Variants in PREX2 observed in about 807,000 individuals in gnomAD.
PREX2 encodes phosphatidylinositol 3,4,5-trisphosphate-dependent Rac exchanger 2 protein.
A neutral mutation model predicts 203.2 loss-of-function variants in PREX2; 107 were observed. The observed-to-expected ratio is 0.53, with a 90% CI of 0.45 to 0.62. PREX2 has a LOEUF of 0.62. Among genes scored for constraint, PREX2 ranks in the 20% least tolerant of loss-of-function variants. PREX2 has a pLI of 0.00. For synonymous variants in PREX2, 672 were observed against 663.6 expected (o/e 1.01, Z -0.19); for missense variants, 1,777 against 1,955.9 (o/e 0.91, Z 1.72).
chr8:68,064,948 T>A (rs1344589165), intron 11 of PREX2, among the ~76,000 whole-genome samples: 1 of 152,170 alleles, frequency 6.6e-6, no homozygotes, highest in African/African-American at 2.4e-5. Context: ...AGAGAGCCAG[T>A]TGTTAAACAT....
At chr8:68,186,014 G>A (rs889851839) in intron 35 of PREX2, among the ~76,000 whole-genome samples, 1 of 126,022 alleles carries the variant, frequency 7.9e-6, no homozygotes, top group African/African-American at 3.2e-5. Context: ...AGCATTGCAA[G>A]ACTTTTTTAA....
intron 8 of PREX2, among the ~76,000 whole-genome samples, chr8:68,047,335 C>T (rs80302353): frequency 0.015 from 2,251 of 151,504 alleles, 49 homozygotes; most frequent in African/African-American, 0.052. Flanking sequence ...GTCCCTATGC[C>T]AAGTACTCCC....
intron 38 of PREX2, among the ~76,000 whole-genome samples, chr8:68,222,182 T>G (rs562976638): frequency 6.6e-6 from 1 of 152,298 alleles, no homozygotes; most frequent in South Asian, 2.1e-4. Context: ...AAGGCCTAGT[T>G]GCAGTTATTC....
chr8:68,107,384 C>A (rs1197839169), intron 23 of PREX2, among the ~76,000 whole-genome samples: 1 of 152,056 alleles, frequency 6.6e-6, no homozygotes, highest in Non-Finnish European at 1.5e-5. Context: ...ACTTGGGCTG[C>A]TTTGGAGACC....
chr8:68,002,129 C>CTTTTTTTTTTTTTTT, intron 1 of PREX2, among the ~76,000 whole-genome samples: 1 of 146,342 alleles, frequency 6.8e-6, no homozygotes, highest in Non-Finnish European at 1.5e-5. Context: ...TTAATTTTGC[C>CTTTTTTTTTTTTTTT]TTTTTTTCTT....
At chr8:68,167,327 CT>C (rs1811780983) in intron 35 of PREX2, among the ~76,000 whole-genome samples, 1 of 92,930 alleles carries the variant, frequency 1.1e-5, no homozygotes, top group African/African-American at 3.6e-5. Context: ...GATGTGTTCT[CT>C]TCTTTTTTTT....
rs1813203121 is a variant in PREX2, at chr8:68,233,271, T to C, written c.*1893T>C. 6.6e-6 allele frequency: 1 copy of C among 152,214 alleles called. No individual in the cohort carries two copies. The highest frequency in any genetic ancestry group is 1.5e-5 in the Non-Finnish European group (1 of 68,026). The allele number at this position is 152,214 out of a possible 1,614,324, so 9.4% of individuals were successfully genotyped here. ...GATTAGCTAGCAAGTCCTTTCATAT[T>C]GTCATGACTGTTTTCTCATCACCAT... On this transcript the variant is annotated 3_prime_UTR_variant, in exon 40 of 40. Coordinates refer to ENST00000288368, the MANE Select transcript of PREX2 (RefSeq NM_024870.4).
chr8:68,178,468 G>T (rs910805051), intron 35 of PREX2, among the ~76,000 whole-genome samples: 4 of 151,630 alleles, frequency 2.6e-5, no homozygotes, highest in Admixed American at 1.3e-4. Flanking sequence ...TTTAAATGGG[G>T]TTGCTTGTTT....
At chr8:68,103,055 T>C in intron 23 of PREX2, 1 of 461,220 alleles carries the variant, frequency 2.2e-6, no homozygotes, top group Non-Finnish European at 4.4e-6. Flanking sequence ...TTTTGGGTAT[T>C]GGGAGTACTT....
At chr8:68,169,974 C>G (rs1336507750) in intron 35 of PREX2, among the ~76,000 whole-genome samples, 1 of 152,178 alleles carries the variant, frequency 6.6e-6, no homozygotes, top group Non-Finnish European at 1.5e-5. Flanking sequence ...ACAAGCTGAT[C>G]TACTAGGAGG....
chr8:68,199,525 T>C (rs1426979837), intron 37 of PREX2, among the ~76,000 whole-genome samples: 1 of 152,160 alleles, frequency 6.6e-6, no homozygotes, highest in East Asian at 1.9e-4. Context: ...ACACAGGACC[T>C]AAAATATGAT....
chr8:68,168,905 A>T (rs1370419465), intron 35 of PREX2, among the ~76,000 whole-genome samples: 1 of 78,118 alleles, frequency 1.3e-5, no homozygotes, highest in Non-Finnish European at 2.4e-5. Flanking sequence ...ACCTCAGAAG[A>T]TGACTTTTTT....
chr8:68,141,445 T>C (rs2129613558), intron 33 of PREX2, among the ~76,000 whole-genome samples: 1 of 152,102 alleles, frequency 6.6e-6, no homozygotes, highest in South Asian at 2.1e-4. Flanking sequence ...GAATAAGGAA[T>C]TAGGAATCAA....
At chr8:68,178,928 T>C (rs929278011) in intron 35 of PREX2, among the ~76,000 whole-genome samples, 1 of 152,204 alleles carries the variant, frequency 6.6e-6, no homozygotes, top group Non-Finnish European at 1.5e-5. Flanking sequence ...TAGTTAATAA[T>C]GTTAAACTAT....
At chr8:68,146,574 A>G (rs1811330225) in intron 34 of PREX2, among the ~76,000 whole-genome samples, 1 of 152,176 alleles carries the variant, frequency 6.6e-6, no homozygotes, top group Non-Finnish European at 1.5e-5. Flanking sequence ...ATAAGACATG[A>G]GTGGTGTAGA....
chr8:68,045,641 G>T (rs1585733683), intron 8 of PREX2, among the ~76,000 whole-genome samples: 1 of 152,076 alleles, frequency 6.6e-6, no homozygotes, highest in South Asian at 2.1e-4. Context: ...CTGAGACTGA[G>T]CACTCAGCTT....
At chr8:68,217,745 G>C in intron 38 of PREX2, 27 bp downstream of exon 38, 1 of 1,549,026 alleles carries the variant, frequency 6.5e-7, no homozygotes, top group Non-Finnish European at 8.9e-7. Context: ...CTTGGGAATA[G>C]TTGTTTTGTA....
chr8:68,045,661 G>A (rs182455680), intron 8 of PREX2, among the ~76,000 whole-genome samples: 33 of 152,208 alleles, frequency 2.2e-4, no homozygotes, highest in Admixed American at 2.1e-3. Flanking sequence ...TTGGAGCCAT[G>A]CTATTGTGTT....
chr8:68,105,535 C>T, intron 23 of PREX2: 1 of 1,143,070 alleles, frequency 8.7e-7, no homozygotes, highest in African/African-American at 1.6e-5. Flanking sequence ...ACTCCATTAA[C>T]ACTTCTTGAC....
Sources: allele counts gnomAD v4.1 joint callset (sites outside exome capture counted in the v4.1 genomes callset), GRCh38; gene constraint gnomAD v4.1.1; transcripts MANE v1.5; gene names NCBI Gene and HGNC (gene_info 2026-07-23, HGNC 2026-07-21).